Variants in INPPL1 observed in about 807,000 individuals in gnomAD.
The protein encoded by INPPL1 is inositol polyphosphate phosphatase like 1, also known as phosphatidylinositol 3,4,5-trisphosphate 5-phosphatase 2.
Under a neutral mutation model 139.3 loss-of-function variants are expected in INPPL1, and 91 were observed. The ratio of observed to expected loss-of-function variants is 0.65; its 90% CI spans 0.55 to 0.78. The LOEUF is 0.78. INPPL1 is among the 30% of genes least tolerant of loss of function. The pLI, the probability that INPPL1 is intolerant of heterozygous loss-of-function variation, is 0.00. For synonymous variants in INPPL1, 719 were observed against 686.6 expected (o/e 1.05, Z -0.74); for missense variants, 1,411 against 1,665.6 (o/e 0.85, Z 2.66).
Position 72,238,125 on chromosome 11 carries a change from CT to C in INPPL1, c.3637del (p.Tyr1213MetfsTer55). The C allele has an allele frequency of 1.3e-6, 2 of 1,583,500 alleles. No homozygotes were observed. Among genetic ancestry groups the C allele is most frequent in the Non-Finnish European group, 1.7e-6 (2 of 1,165,290 alleles). ...AWLRAIGLER[Y>X]EEGLVHNGWD... is the part of the protein sequence containing the mutation. The stretch of plus-strand genomic sequence containing the variant: ...GGCTGCGGGCCATCGGCTTGGAGCG[CT>C]ATGAGGAGGGCCTGGTGCATAATGG... On this transcript the variant is annotated frameshift_variant, in exon 27 of 28. Transcript: ENST00000298229. LOFTEE classifies it high-confidence loss of function.
At position 72,237,765 on chromosome 11, in the gene INPPL1, G is replaced by T; in HGVS notation, c.3521G>T (p.Arg1174Leu). 6.2e-7 allele frequency: 1 copy of T among 1,609,968 alleles called. No homozygotes were observed. The highest frequency in any genetic ancestry group is 2.2e-5 in the East Asian group (1 of 44,670). Reference protein sequence around the residue: ...RPLSFPPPRIRESIQEDLAEE... With the variant: ...RPLSFPPPRILESIQEDLAEE... Reference sequence around the variant, plus strand: ...CTCAGCTTCCCTCCACCCCGCATCCGGGAGAGCATCCAGGAAGACCTGGCA... The same window carrying T: ...CTCAGCTTCCCTCCACCCCGCATCCTGGAGAGCATCCAGGAAGACCTGGCA... Residue 1174 changes from arginine to leucine, a missense_variant, in exon 26 of 28, where the codon CGG becomes CTG. By Grantham distance (102) the Arg-to-Leu change is moderately radical. Around this residue, in one of 5 missense-constraint regions of INPPL1, gnomAD observed 438 missense variants for 425.7 expected, o/e 1.03. Transcript: ENST00000298229.
At chr11:72,223,926 T>G (rs1355082733), upstream of INPPL1, 1 of 152,608 alleles carries the variant, frequency 6.6e-6, no homozygotes, top group Non-Finnish European at 1.5e-5. Context: ...CCAGGGCCGC[T>G]GTCCGGGGAA....
Position 72,228,950 on chromosome 11 carries a change from C to G in INPPL1, c.518+103C>G. 2.0e-6 allele frequency: 3 copies of G among 1,520,130 alleles called. No individual in the cohort carries two copies. Among genetic ancestry groups the G allele is most frequent in the Non-Finnish European group, 2.6e-6 (3 of 1,133,470 alleles). The allele number at this position is 1,520,130 out of a possible 1,614,324, so 94.2% of individuals were successfully genotyped here. On this transcript the variant is annotated intron_variant, in intron 4 of 27. Coordinates refer to ENST00000298229, the MANE Select transcript of INPPL1 (RefSeq NM_001567.4). This position sits in a 1 kb window ranked among gnomAD's most constrained non-coding sequence, Gnocchi z 5.0. ...CCTTCTAAGACCCCACCAGGGACCC[C>G]CACCCCACCTCAGCCCAGAGGCAGA...
At position 72,228,357 on chromosome 11, in the gene INPPL1, G is replaced by T. The variant is rs770629033; in HGVS notation, c.256G>T (p.Gly86Cys). ...EDFLAVQTSQGVPVRRFQTLG... is the reference protein window; with the variant it reads ...EDFLAVQTSQCVPVRRFQTLG... ...CCTTGCTGGCCCACAGACCTCGCAG[G>T]GTGTGCCTGTGCGCCGCTTCCAGAC... is the stretch of plus-strand genomic sequence containing the variant. The change falls in exon 3 of 28, where the codon GGT becomes TGT. Residue 86 changes from glycine (G) to cysteine (C), a missense_variant. Around this residue, in one of 5 missense-constraint regions of INPPL1, gnomAD observed 504 missense variants for 595.6 expected, o/e 0.85. Coordinates refer to ENST00000298229, the MANE Select transcript of INPPL1 (RefSeq NM_001567.4). This position sits in a 1 kb window ranked among gnomAD's most constrained non-coding sequence, Gnocchi z 5.0. 8 of 1,613,652 alleles carry T rather than the reference G, an allele frequency of 5.0e-6. No individual in the cohort carries two copies. Among genetic ancestry groups the T allele is most frequent in the Non-Finnish European group, 6.8e-6 (8 of 1,179,960 alleles).
rs1325573234 is a variant in INPPL1, at chr11:72,238,969, C to G, written c.*616C>G. ...GTCTCCTGGTCTGTGCTGCCCTGCT[C>G]TGGGGATGCACGGCGGCAGGGTGGG... is the stretch of plus-strand genomic sequence containing the variant. On this transcript the variant is annotated 3_prime_UTR_variant, in exon 28 of 28. Coordinates refer to ENST00000298229, the MANE Select transcript of INPPL1 (RefSeq NM_001567.4). 3 of 152,400 alleles carry G rather than the reference C, an allele frequency of 2.0e-5. No homozygotes were observed. Among genetic ancestry groups the G allele is most frequent in the Non-Finnish European group, 2.9e-5 (2 of 68,104 alleles). 9.4% of individuals were successfully genotyped at this position (152,400 alleles called of 1,614,324 possible).
At chr11:72,232,521 T>C in intron 14 of INPPL1, 105 bp from the exon 15 acceptor site, 1 of 1,437,812 alleles carries the variant, frequency 7.0e-7, no homozygotes, top group Non-Finnish European at 9.6e-7. Context: ...CCCGGATCTT[T>C]ACCCCATCCC....
At position 72,237,222 on chromosome 11, in the gene INPPL1, C is replaced by T. The variant is rs759985176; in HGVS notation, c.2978C>T (p.Pro993Leu). The T allele has an allele frequency of 3.1e-5, 50 of 1,613,890 alleles. No individual in the cohort carries two copies. Among genetic ancestry groups the T allele is most frequent in the East Asian group, 4.5e-5 (2 of 44,894 alleles). ...NPAYYVLEGV[P>L]HQLLPPEPPS... The stretch of plus-strand genomic sequence containing the variant: ...GCCTACTACGTCCTTGAAGGGGTCC[C>T]GCACCAGCTGCTGCCCCCGGAGCCA... Residue 993 changes from proline to leucine, a missense_variant, in exon 26 of 28, where the codon CCG becomes CTG. Physicochemically the swap from Pro to Leu is moderately conservative, Grantham distance 98 (BLOSUM62 -3). Coordinates refer to ENST00000298229, the MANE Select transcript of INPPL1 (RefSeq NM_001567.4).
chr11:72,227,654 C>A (rs943767226), intron 1 of INPPL1, among the ~76,000 whole-genome samples: 1 of 152,214 alleles, frequency 6.6e-6, no homozygotes, highest in Non-Finnish European at 1.5e-5. Context: ...GCCCAGGTCT[C>A]CCATGGGGGC....
At chr11:72,227,977 G>GC in intron 1 of INPPL1, 2 of 570,254 alleles carry the variant, frequency 3.5e-6, no homozygotes, top group South Asian at 2.0e-5. Context: ...GTGGGGAGAC[G>GC]GGGGTGTTCT....
chr11:72,230,908 G>A lies in INPPL1; in HGVS notation c.1300+10G>A, dbSNP rs374185639. ...GGCACCTGGAACATGGGTCAGGCCC[G>A]GGCTGGGGCTGGGGCGGGAGAGAGG... On this transcript the variant is annotated intron_variant, in intron 11 of 27. Transcript: ENST00000298229. 63 of 1,613,648 alleles carry A rather than the reference G, an allele frequency of 3.9e-5. No individual in the cohort carries two copies. The East Asian group carries it at 4.5e-4, about 11-fold the overall frequency.
At chr11:72,225,439 T>G in intron 1 of INPPL1, 1 of 985,316 alleles carries the variant, frequency 1.0e-6, no homozygotes, top group Non-Finnish European at 1.2e-6. Flanking sequence ...AATTCGGGCA[T>G]TCCCCGGCAG....
rs773029747 is a variant in INPPL1, at chr11:72,235,654, T to A, written c.2660-21T>A. 31 of 1,612,880 alleles carry A rather than the reference T, an allele frequency of 1.9e-5. No individual in the cohort carries two copies. The highest frequency in any genetic ancestry group is 2.5e-5 in the Non-Finnish European group (30 of 1,179,310). ...TCCAGGAGCCCAGGTCTCCTCTGAG[T>A]CTCCCTTCCTGCCCCCTCAGAGTGG... On this transcript the variant is annotated intron_variant, in intron 23 of 27. Transcript: ENST00000298229. This position sits in a 1 kb window ranked among gnomAD's most constrained non-coding sequence, Gnocchi z 4.9.
chr11:72,237,725 G>C lies in INPPL1; in HGVS notation c.3481G>C (p.Asp1161His). The C allele has an allele frequency of 1.2e-6, 2 of 1,611,788 alleles. No homozygotes were observed. The highest frequency in any genetic ancestry group is 1.1e-5 in the South Asian group (1 of 90,810). ...GCAGCCCCCCCGGGGACTGCCCTCG[G>C]ACTATGGCCGGCCCCTCAGCTTCCC... ...ELQPPRGLPS[D>H]YGRPLSFPPP... Residue 1161 changes from aspartate to histidine, a missense_variant, in exon 26 of 28, where the codon GAC becomes CAC. Transcript: ENST00000298229.
Position 72,229,738 on chromosome 11 carries a change from G to C in INPPL1, c.829G>C (p.Gly277Arg), listed in dbSNP as rs1170421560. 2.5e-6 allele frequency: 4 copies of C among 1,613,932 alleles called. No individual in the cohort carries two copies. The highest frequency in any genetic ancestry group is 3.4e-6 in the Non-Finnish European group (4 of 1,179,972). Reference sequence around the variant, plus strand: ...GTCAGTGCTAAAGGACTTCCTGTCAGGCATCCAGAAGAAGGTGGCATGATC... The same window carrying C: ...GTCAGTGCTAAAGGACTTCCTGTCACGCATCCAGAAGAAGGTGGCATGATC... ...KLSVLKDFLSGIQKKALKALQ... is the reference protein window; with the variant it reads ...KLSVLKDFLSRIQKKALKALQ... The change falls in exon 7 of 28, where the codon GGC (glycine) becomes CGC (arginine). Residue 277 changes from glycine to arginine, a missense_variant. Around this residue, in one of 5 missense-constraint regions of INPPL1, gnomAD observed 504 missense variants for 595.6 expected, o/e 0.85. Transcript: ENST00000298229.
rs1461313845 is a variant in INPPL1, at chr11:72,234,728, A to AGT, written c.2415+114_2415+115insTG. On this transcript the variant is annotated intron_variant, in intron 21 of 27. Coordinates refer to ENST00000298229, the MANE Select transcript of INPPL1 (RefSeq NM_001567.4). This position sits in a 1 kb window ranked among gnomAD's most constrained non-coding sequence, Gnocchi z 4.2. ...GTGTGGGGCCAGCAGAGAGAGAGAG[A>AGT]GAGAGTGTGTGTGTGTGTGTGTGTG... 4.2e-5 allele frequency: 28 copies of AGT among 672,670 alleles called. No homozygotes were observed. Among genetic ancestry groups the AGT allele is most frequent in the Middle Eastern group, 3.9e-4 (1 of 2,582 alleles). The allele number at this position is 672,670 out of a possible 1,614,324, so 41.7% of individuals were successfully genotyped here.
At chr11:72,232,104 G>A in intron 13 of INPPL1, 136 bp from the exon 14 acceptor site, 1 of 712,612 alleles carries the variant, frequency 1.4e-6, no homozygotes, top group Admixed American at 2.3e-5. Context: ...GTGGGTGTGT[G>A]CAGGGGCCTG....
chr11:72,235,128 C>A lies in INPPL1; in HGVS notation c.2428C>A (p.Leu810Met), dbSNP rs746052590. 7 of 1,613,828 alleles carry A rather than the reference C, an allele frequency of 4.3e-6. No homozygotes were observed. In the South Asian group the frequency reaches 5.5e-5, roughly 13 times the overall value. ...SRQLPTLKPILADIEYLQDQH... is the reference protein window; with the variant it reads ...SRQLPTLKPIMADIEYLQDQH... Reference sequence around the variant, plus strand: ...CCCTGCTTCCCAGCTCAAACCAATTCTGGCTGATATCGAGTACCTGCAGGA... The same window carrying A: ...CCCTGCTTCCCAGCTCAAACCAATTATGGCTGATATCGAGTACCTGCAGGA... Residue 810 changes from leucine to methionine, a missense_variant, in exon 22 of 28, where the codon CTG becomes ATG. This residue lies in a region of INPPL1 where 363 missense variants were observed against 446.2 expected (regional missense o/e 0.81). Coordinates refer to ENST00000298229, the MANE Select transcript of INPPL1 (RefSeq NM_001567.4). This position sits in a 1 kb window ranked among gnomAD's most constrained non-coding sequence, Gnocchi z 4.9.
chr11:72,238,865 G>C lies in INPPL1; in HGVS notation c.*512G>C, dbSNP rs1020331670. 9 of 152,830 alleles carry C rather than the reference G, an allele frequency of 5.9e-5. No homozygotes were observed. Among genetic ancestry groups the C allele is most frequent in the Middle Eastern group, 3.4e-3 (1 of 296 alleles). 9.5% of individuals were successfully genotyped at this position (152,830 alleles called of 1,614,324 possible). On this transcript the variant is annotated 3_prime_UTR_variant, in exon 28 of 28. Coordinates refer to ENST00000298229, the MANE Select transcript of INPPL1 (RefSeq NM_001567.4). ...TGTTCTGTGTGGGTCTGGGGAGGGA[G>C]AGCACCTTAATATTATTGGGGTTGG...
In INPPL1 at chr11:72,232,983, G is replaced by T; in HGVS notation, c.1951+9G>T. 6.2e-7 allele frequency: 1 copy of T among 1,613,554 alleles called. No individual in the cohort carries two copies. Among genetic ancestry groups the T allele is most frequent in the South Asian group, 1.1e-5 (1 of 91,074 alleles). On this transcript the variant is annotated intron_variant, in intron 16 of 27. Coordinates refer to ENST00000298229, the MANE Select transcript of INPPL1 (RefSeq NM_001567.4). The stretch of plus-strand genomic sequence containing the variant: ...GGTCTTCCTTCGATTCAGTGAGTGT[G>T]GGCCTGGTAGGTGGTGATCTGAGGG...
Sources: allele counts gnomAD v4.1 joint callset (sites outside exome capture counted in the v4.1 genomes callset), GRCh38; gene constraint gnomAD v4.1.1; regional missense constraint gnomAD v4.1.1; non-coding constraint Gnocchi (gnomAD v3.1); transcripts MANE v1.5; gene names NCBI Gene and HGNC (gene_info 2026-07-23, HGNC 2026-07-21).